RB1CC1: variants seen among roughly 807,000 people sequenced by gnomAD.
RB1CC1 encodes RB1 inducible coiled-coil 1.
Under a neutral mutation model 177.5 loss-of-function variants are expected in RB1CC1, and 46 were observed. That is an observed-to-expected ratio of 0.26 (90% confidence interval 0.20 to 0.33). The LOEUF (loss-of-function observed/expected upper bound fraction) is 0.33, where lower values mean the gene tolerates loss of function less well. Ranked by LOEUF, RB1CC1 falls within the 10% of genes least tolerant of loss-of-function variation. RB1CC1 has a pLI of 1.00. For missense variants in RB1CC1, 1,703 were observed against 1,816.3 expected (o/e 0.94, Z 1.13); for synonymous variants, 666 against 613.6 (o/e 1.09, Z -1.26).
intron 1 of RB1CC1, among the ~76,000 whole-genome samples, chr8:52,712,175 T>C (rs1857110744): frequency 6.6e-6 from 1 of 152,200 alleles, no homozygotes; most frequent in Admixed American, 6.5e-5. Context: ...TAGGCCAGTA[T>C]TACTACAAAA....
intron 12 of RB1CC1, 137 bp from the exon 13 acceptor site, chr8:52,659,113 A>C: frequency 2.1e-6 from 1 of 468,858 alleles, no homozygotes. Flanking sequence ...GAAACAAAAA[A>C]AGACCATTCA....
At chr8:52,670,888 G>A (rs1305593905) in intron 7 of RB1CC1, among the ~76,000 whole-genome samples, 1 of 151,500 alleles carries the variant, frequency 6.6e-6, no homozygotes, top group Admixed American at 6.6e-5. Flanking sequence ...CCCAGGAGGT[G>A]AAGGCTGCAG....
intron 8 of RB1CC1, among the ~76,000 whole-genome samples, chr8:52,664,452 G>C (rs1259207522): frequency 6.6e-6 from 1 of 152,070 alleles, no homozygotes; most frequent in Non-Finnish European, 1.5e-5. Flanking sequence ...ATCGAAGAAA[G>C]AAAAGATATT....
intron 1 of RB1CC1, among the ~76,000 whole-genome samples, chr8:52,691,934 CTTA>C (rs764157088): frequency 6.6e-6 from 1 of 152,226 alleles, no homozygotes; most frequent in African/African-American, 2.4e-5. Flanking sequence ...ATTGCTAATA[CTTA>C]TTGAGTTATT....
In RB1CC1 at chr8:52,623,710, TG is replaced by T. The variant is rs1563338992; in HGVS notation, c.*71del. 9.2e-7 allele frequency: 1 copy of T among 1,088,180 alleles called. No homozygotes were observed. Among genetic ancestry groups the T allele is most frequent in the Admixed American group, 1.8e-5 (1 of 56,756 alleles). The allele number at this position is 1,088,180 out of a possible 1,614,324, so 67.4% of individuals were successfully genotyped here. A position where few individuals can be genotyped will look rare whatever the true frequency, so the allele number is the denominator to read the frequency against. ...GCATAAAAAGATGGCCTGCTGTTTT[TG>T]GAGTGATGAATGAGCACTGCAGGAC... On this transcript the variant is annotated 3_prime_UTR_variant, in exon 24 of 24. Transcript: ENST00000025008.
chr8:52,712,750 T>C (rs1857165736), intron 1 of RB1CC1, among the ~76,000 whole-genome samples: 1 of 152,216 alleles, frequency 6.6e-6, no homozygotes, highest in Non-Finnish European at 1.5e-5. Flanking sequence ...ATCCAGGTTT[T>C]GAACACAATC....
chr8:52,680,410 T>A, intron 5 of RB1CC1, among the ~76,000 whole-genome samples: 1 of 152,140 alleles, frequency 6.6e-6, no homozygotes, highest in East Asian at 1.9e-4. Flanking sequence ...AGAATTACCA[T>A]GTAAATGATA....
intron 18 of RB1CC1, among the ~76,000 whole-genome samples, chr8:52,641,483 C>T (rs1849580809): frequency 6.6e-6 from 1 of 151,528 alleles, no homozygotes; most frequent in South Asian, 2.1e-4. Context: ...GTTATCATAA[C>T]TGTTATCTTG....
chr8:52,657,522 G>T lies in RB1CC1; in HGVS notation c.2307C>A (p.Ile769=). ...MMVESLYSSV[I]NAIDSRRMQD... Reference sequence around the variant, plus strand: ...GCATTCGTCTACTGTCTATCGCATTGATAACTGATGAATAAAGTGATTCCA... The same window carrying T: ...GCATTCGTCTACTGTCTATCGCATTTATAACTGATGAATAAAGTGATTCCA... The change falls in exon 15 of 24, where the codon ATC becomes ATA. Residue 769 remains isoleucine, a synonymous_variant. Transcript: ENST00000025008. 6.2e-7 allele frequency: 1 copy of T among 1,613,926 alleles called. No homozygotes were observed. Among genetic ancestry groups the T allele is most frequent in the Non-Finnish European group, 8.5e-7 (1 of 1,179,994 alleles).
In RB1CC1 at chr8:52,676,447, T is replaced by C; in HGVS notation, c.494A>G (p.Gln165Arg). The change falls in exon 6 of 24, where the codon CAA becomes CGA. Residue 165 changes from glutamine to arginine, a missense_variant. Transcript: ENST00000025008. The part of the protein sequence containing the change: ...ANLEDCSNSY[Q>R]KLLFKFESIY... ...ACTTTCAAACTTGAAAAGTAGCTTTTGGTATGAATTTGAACAGTCCTCCAG... is the reference window on the plus strand; with the variant it reads ...ACTTTCAAACTTGAAAAGTAGCTTTCGGTATGAATTTGAACAGTCCTCCAG... 4 of 1,613,370 alleles carry C rather than the reference T, an allele frequency of 2.5e-6. No individual in the cohort carries two copies. Among genetic ancestry groups the C allele is most frequent in the Non-Finnish European group, 2.5e-6 (3 of 1,179,602 alleles).
At chr8:52,642,926 G>A (rs1036859936) in intron 16 of RB1CC1, 114 bp from the exon 17 acceptor site, 45 of 1,123,898 alleles carry the variant, frequency 4.0e-5, no homozygotes, top group Non-Finnish European at 4.9e-5. Context: ...GGAGATGATG[G>A]GGTATGATTC....
intron 1 of RB1CC1, among the ~76,000 whole-genome samples, chr8:52,707,629 T>A (rs1389712583): frequency 1.3e-5 from 2 of 152,072 alleles, no homozygotes; most frequent in Non-Finnish European, 2.9e-5. Context: ...TCCTAAATAC[T>A]CCCTACCAGT....
At chr8:52,652,168 T>G (rs557821760) in intron 15 of RB1CC1, among the ~76,000 whole-genome samples, 8 of 152,260 alleles carry the variant, frequency 5.3e-5, no homozygotes, top group African/African-American at 1.9e-4. Flanking sequence ...AAAGTTTTTA[T>G]TAAAAAATCT....
chr8:52,661,466 T>C, intron 9 of RB1CC1, 69 bp downstream of exon 9: 3 of 1,488,018 alleles, frequency 2.0e-6, no homozygotes, highest in Non-Finnish European at 2.7e-6. Context: ...AATCACTCCA[T>C]CATTTGGGAG....
intron 16 of RB1CC1, among the ~76,000 whole-genome samples, chr8:52,644,640 T>TAAC (rs1849852837): frequency 6.6e-6 from 1 of 152,184 alleles, no homozygotes; most frequent in Admixed American, 6.6e-5. Flanking sequence ...ACACTTTTTT[T>TAAC]TCTGGTTGTG....
intron 1 of RB1CC1, 137 bp from the exon 2 acceptor site, chr8:52,687,104 A>G (rs1427962352): frequency 5.6e-6 from 2 of 355,210 alleles, no homozygotes; most frequent in Non-Finnish European, 1.1e-5. Context: ...CACATTCACT[A>G]TAATAACAAC....
At chr8:52,675,131 A>G (rs1852978578) in intron 6 of RB1CC1, among the ~76,000 whole-genome samples, 1 of 152,170 alleles carries the variant, frequency 6.6e-6, no homozygotes, top group Non-Finnish European at 1.5e-5. Context: ...GAACCCTTAG[A>G]AAGTTACTGG....
At chr8:52,713,934 C>A (rs1394657573) in intron 1 of RB1CC1, 141 bp downstream of exon 1, 1 of 193,070 alleles carries the variant, frequency 5.2e-6, no homozygotes, top group African/African-American at 2.4e-5. Context: ...CCGGGGCCCT[C>A]CCGTGCACAC....
intron 1 of RB1CC1, among the ~76,000 whole-genome samples, chr8:52,707,408 TTTTTC>T (rs1856662044): frequency 6.6e-6 from 1 of 151,190 alleles, no homozygotes; most frequent in African/African-American, 2.4e-5. Flanking sequence ...ACTTCAGTTA[TTTTTC>T]TTTTCTTTTT....
Sources: gnomAD v4.1 joint callset for allele counts (sites outside exome capture counted in the v4.1 genomes callset) on GRCh38, gnomAD v4.1.1 for gene constraint, MANE v1.5 for transcripts, NCBI Gene and HGNC (gene_info 2026-07-23, HGNC 2026-07-21) for gene names.